Variants in PSPC1 observed in about 807,000 individuals in gnomAD.
PSPC1 encodes paraspeckle component 1, also known as paraspeckle protein 1.
PSPC1 carries 14 observed loss-of-function variants against 51.6 expected under a neutral mutation model. That is an observed-to-expected ratio of 0.27 (90% CI 0.18 to 0.42). PSPC1 has a LOEUF of 0.42. PSPC1 is among the 10% of genes least tolerant of loss of function. PSPC1 has a pLI of 1.00. For missense variants in PSPC1, 406 were observed against 701.1 expected (o/e 0.58, Z 4.75); for synonymous variants, 193 against 231.9 (o/e 0.83, Z 1.53).
At chr13:19,761,244 T>C (rs775240168) in intron 2 of PSPC1, among the ~76,000 whole-genome samples, 1 of 151,982 alleles carries the variant, frequency 6.6e-6, no homozygotes, top group Non-Finnish European at 1.5e-5. Flanking sequence ...GATAAGGAAA[T>C]GACAAGAGTG....
chr13:19,693,410 G>T (rs182555703), intron 6 of PSPC1, among the ~76,000 whole-genome samples: 5 of 152,074 alleles, frequency 3.3e-5, no homozygotes, highest in African/African-American at 1.2e-4. Flanking sequence ...TGTTCATTTT[G>T]GTATCCTCAT....
At chr13:19,704,047 G>A in intron 8 of PSPC1, among the ~76,000 whole-genome samples, 1 of 152,258 alleles carries the variant, frequency 6.6e-6, no homozygotes, top group Non-Finnish European at 1.5e-5. Context: ...ACTCCCTGAA[G>A]TGTAGCAGTA....
intron 4 of PSPC1, among the ~76,000 whole-genome samples, chr13:19,747,632 G>T (rs1886129919): frequency 1.3e-5 from 2 of 152,118 alleles, no homozygotes; most frequent in Non-Finnish European, 2.9e-5. Flanking sequence ...CACCCAGCCA[G>T]TTTGTTTTGT....
At chr13:19,732,926 C>CA (rs34848375) in intron 5 of PSPC1, among the ~76,000 whole-genome samples, 111,265 of 142,774 alleles carry the variant, frequency 0.78, 44,739 homozygotes, top group East Asian at 0.96. Context: ...GACTCCATCT[C>CA]AAAAAAAAAA....
chr13:19,774,773 C>T (rs1482710708), intron 1 of PSPC1, among the ~76,000 whole-genome samples: 2 of 148,818 alleles, frequency 1.3e-5, no homozygotes, highest in Non-Finnish European at 3.0e-5. Context: ...CCACTGCACT[C>T]CAGCCTGGGT....
At position 19,680,171 on chromosome 13, in the gene PSPC1, C is replaced by T. The variant is rs186493844; in HGVS notation, c.1159-2348G>A. On this transcript the variant is annotated intron_variant and NMD_transcript_variant, in intron 6 of 7. Coordinates refer to the PSPC1 transcript ENST00000471658. ...CCGGGACTACAGGCGCACACTACCG[C>T]GCCCAGCTAATTTTTGTATTTTTAG... 1.6e-3 allele frequency among the ~76,000 whole-genome samples: 247 copies of T among 152,184 alleles called. 1 individual carries two copies. The highest frequency in any genetic ancestry group is 5.5e-3 in the African/African-American group (230 of 41,508).
chr13:19,778,419 CCT>C (rs570515343), intron 1 of PSPC1, among the ~76,000 whole-genome samples: 10,063 of 119,826 alleles, frequency 0.084, 374 homozygotes, highest in Middle Eastern at 0.13. Flanking sequence ...CCACGGTCTC[CCT>C]CTCATGCGGA....
In PSPC1 at chr13:19,725,582, A is replaced by C. The variant is rs533679514; in HGVS notation, c.1158+4657T>G. Among the ~76,000 whole-genome samples the C allele has an allele frequency of 9.2e-5, 14 of 152,222 alleles. No homozygotes were observed. The South Asian group carries it at 2.9e-3, about 32-fold the overall frequency. ...CACATAGTTGTGTCACAACTACTCA[A>C]ATCAGTTTTTGTAGGGCAAAATAAA... On this transcript the variant is annotated intron_variant, in intron 6 of 8. Transcript: ENST00000338910.
intron 6 of PSPC1, among the ~76,000 whole-genome samples, chr13:19,729,587 A>G (rs1883792780): frequency 2.0e-5 from 3 of 152,018 alleles, no homozygotes; most frequent in Non-Finnish European, 2.9e-5. Flanking sequence ...GAGAAAACCT[A>G]TAGACTAAAA....
chr13:19,695,905 A>T (rs1053912508), intron 6 of PSPC1, among the ~76,000 whole-genome samples: 3 of 140,896 alleles, frequency 2.1e-5, no homozygotes, highest in African/African-American at 5.1e-5. Flanking sequence ...TAGAAGAGAT[A>T]AAAAAAAAAA....
At chr13:19,748,800 T>G (rs1886248262) in intron 4 of PSPC1, among the ~76,000 whole-genome samples, 2 of 148,184 alleles carry the variant, frequency 1.3e-5, no homozygotes, top group African/African-American at 4.9e-5. Context: ...GAGAAAACAA[T>G]TCATATTGAA....
intron 5 of PSPC1, among the ~76,000 whole-genome samples, chr13:19,738,649 T>C (rs1021891759): frequency 1.3e-4 from 20 of 152,226 alleles, no homozygotes; most frequent in African/African-American, 4.3e-4. Context: ...GGCTCACGCC[T>C]GTAATCCCAG....
chr13:19,749,309 A>C (rs1228578649), intron 4 of PSPC1, among the ~76,000 whole-genome samples: 1 of 152,050 alleles, frequency 6.6e-6, no homozygotes, highest in African/African-American at 2.4e-5. Flanking sequence ...GATCACACCA[A>C]TGCACTCCAG....
At chr13:19,775,182 C>CA (rs936194359) in intron 1 of PSPC1, among the ~76,000 whole-genome samples, 41 of 149,312 alleles carry the variant, frequency 2.7e-4, no homozygotes, top group Middle Eastern at 3.5e-3. Context: ...ACTAAAAATA[C>CA]AAAAAAAAAC....
chr13:19,778,971 T>G (rs962319041), intron 1 of PSPC1, among the ~76,000 whole-genome samples: 1 of 139,022 alleles, frequency 7.2e-6, no homozygotes, highest in Non-Finnish European at 1.6e-5. Context: ...GTGAGGAGCG[T>G]CTCTGCCCGG....
rs912836562 is a variant in PSPC1, at chr13:19,782,151, C to G, written c.372+235G>C. Among the ~76,000 whole-genome samples the G allele has an allele frequency of 6.6e-6, 1 of 152,214 alleles. No individual in the cohort carries two copies. The highest frequency in any genetic ancestry group is 6.5e-5 in the Admixed American group (1 of 15,280). On this transcript the variant is annotated intron_variant, in intron 1 of 8. Coordinates refer to ENST00000338910, the MANE Select transcript of PSPC1 (RefSeq NM_001354909.2). This position sits in a 1 kb window ranked among gnomAD's most constrained non-coding sequence, Gnocchi z 4.5. ...GCCACCGCAAAGCACGATCGGCGCA[C>G]GGCAGAAAACGGCGGCCACTGTGAG...
chr13:19,713,153 TTAAG>T (rs1331860692), intron 6 of PSPC1, among the ~76,000 whole-genome samples: 12 of 152,174 alleles, frequency 7.9e-5, no homozygotes, highest in African/African-American at 2.7e-4. Context: ...AAATTAGAAT[TTAAG>T]TTAGAACCAG....
At chr13:19,697,470 T>G (rs1038929595) in intron 6 of PSPC1, among the ~76,000 whole-genome samples, 1 of 152,192 alleles carries the variant, frequency 6.6e-6, no homozygotes, top group African/African-American at 2.4e-5. Flanking sequence ...TTAATGGATA[T>G]AGTGAAATTC....
intron 5 of PSPC1, among the ~76,000 whole-genome samples, chr13:19,736,519 T>TA (rs1884831191): frequency 6.6e-6 from 1 of 151,678 alleles, no homozygotes; most frequent in Admixed American, 6.6e-5. Flanking sequence ...CCATCTCTAC[T>TA]AAAAATACAA....
Sources: gnomAD v4.1 joint callset for allele counts (sites outside exome capture counted in the v4.1 genomes callset) on GRCh38, gnomAD v4.1.1 for gene constraint, Gnocchi (gnomAD v3.1) non-coding constraint, MANE v1.5 for transcripts, NCBI Gene and HGNC (gene_info 2026-07-23, HGNC 2026-07-21) for gene names.